The following PLPPR2 variants were observed in gnomAD, a reference collection of about 807,000 sequenced individuals.
The protein encoded by PLPPR2 is phospholipid phosphatase-related protein type 2.
PLPPR2 carries 11 observed loss-of-function variants against 40.3 expected under a neutral mutation model. The ratio of observed to expected loss-of-function variants is 0.27; its 90% CI spans 0.17 to 0.45. PLPPR2 has a LOEUF of 0.45. Among genes scored for constraint, PLPPR2 ranks in the 20% least tolerant of loss-of-function variants. PLPPR2 has a pLI of 1.00. For missense variants in PLPPR2, 497 were observed against 640.7 expected (o/e 0.78, Z 2.42); for synonymous variants, 260 against 290.8 (o/e 0.89, Z 1.08).
At chr19:11,358,739 G>T (rs1303690310) in intron 3 of PLPPR2, among the ~76,000 whole-genome samples, 1 of 148,756 alleles carries the variant, frequency 6.7e-6, no homozygotes, top group Non-Finnish European at 1.5e-5. Flanking sequence ...TTTTGTGATG[G>T]AGTCTTGCTC....
In PLPPR2 at chr19:11,359,754, G is replaced by A; in HGVS notation, c.255+34G>A. Reference sequence around the variant, plus strand: ...ATGAAGACCTCCTAGGAGGCAGGTGGGCCGGTAAGGGTGGGTGAGGGGATG... The same window carrying A: ...ATGAAGACCTCCTAGGAGGCAGGTGAGCCGGTAAGGGTGGGTGAGGGGATG... On this transcript the variant is annotated intron_variant, in intron 4 of 9. Coordinates refer to ENST00000688289, the MANE Select transcript of PLPPR2 (RefSeq NM_001393892.1). The surrounding 1 kb of genome is among the most constrained non-coding windows in gnomAD (Gnocchi z 5.6). The A allele has an allele frequency of 6.3e-7, 1 of 1,577,486 alleles. No homozygotes were observed. Among genetic ancestry groups the A allele is most frequent in the Non-Finnish European group, 8.7e-7 (1 of 1,155,792 alleles).
At chr19:11,358,016 A>G (rs1451811293) in intron 3 of PLPPR2, among the ~76,000 whole-genome samples, 2 of 147,070 alleles carry the variant, frequency 1.4e-5, no homozygotes, top group Non-Finnish European at 3.0e-5. Context: ...GTCCCAACTC[A>G]TAGGGCTGTT....
In PLPPR2 at chr19:11,362,791, C is replaced by T; in HGVS notation, c.840+102C>T. The T allele has an allele frequency of 7.7e-7, 1 of 1,299,646 alleles. No individual in the cohort carries two copies. The highest frequency in any genetic ancestry group is 1.0e-6 in the Non-Finnish European group (1 of 952,998). The allele number at this position is 1,299,646 out of a possible 1,614,324, so 80.5% of individuals were successfully genotyped here. Reference sequence around the variant, plus strand: ...GGAGAAGGGTGTGGACTCTGTGTGACCTTGGGCCAATCCCTTAACATTACC... The same window carrying T: ...GGAGAAGGGTGTGGACTCTGTGTGATCTTGGGCCAATCCCTTAACATTACC... On this transcript the variant is annotated intron_variant, in intron 7 of 9. Transcript: ENST00000688289. This position sits in a 1 kb window ranked among gnomAD's most constrained non-coding sequence, Gnocchi z 5.3.
rs752759765 is a variant in PLPPR2 at position 11,363,805 on chromosome 19, T to C, written c.933T>C (p.Asp311=). 5.0e-6 allele frequency: 8 copies of C among 1,614,106 alleles called. No homozygotes were observed. In the East Asian group the frequency reaches 1.3e-4, roughly 27 times the overall value. The change falls in exon 8 of 10, where the codon GAT becomes GAC. Residue 311 remains aspartate (D), a synonymous_variant. Coordinates refer to ENST00000688289, the MANE Select transcript of PLPPR2 (RefSeq NM_001393892.1). This position sits in a 1 kb window ranked among gnomAD's most constrained non-coding sequence, Gnocchi z 4.8. ...ACCTGGGCCAAGCCCCCACCATGGA[T>C]AGCCCCCTCGAAAAGTTAAGTGTGG... is the stretch of plus-strand genomic sequence containing the variant. ...WEDLGQAPTM[D]SPLEKLSVAQ...
Position 11,364,507 on chromosome 19 carries a change from G to C in PLPPR2, c.1176G>C (p.Gln392His). 2 of 1,526,280 alleles carry C rather than the reference G, an allele frequency of 1.3e-6. No homozygotes were observed. Among genetic ancestry groups the C allele is most frequent in the Middle Eastern group, 1.7e-4 (1 of 5,932 alleles). The allele number at this position is 1,526,280 out of a possible 1,614,324, so 94.5% of individuals were successfully genotyped here. Residue 392 changes from glutamine to histidine, a missense_variant, in exon 10 of 10, where the codon CAG becomes CAC. By Grantham distance (24) the Gln-to-His change is conservative. Coordinates refer to ENST00000688289, the MANE Select transcript of PLPPR2 (RefSeq NM_001393892.1). This position sits in a 1 kb window ranked among gnomAD's most constrained non-coding sequence, Gnocchi z 5.8. ...PLPLPAPTPS[Q>H]GPSPSSPGPG... ...CCCTGCCAGCGCCCACCCCCAGCCAGGGCCCCTCGCCTTCCTCCCCTGGAC... is the reference window on the plus strand; with the variant it reads ...CCCTGCCAGCGCCCACCCCCAGCCACGGCCCCTCGCCTTCCTCCCCTGGAC...
At position 11,364,489 on chromosome 19, in the gene PLPPR2, A is replaced by G. The variant is rs1968140355; in HGVS notation, c.1158A>G (p.Pro386=). The part of the protein sequence containing the change: ...PTPLPLPLPL[P]APTPSQGPSP... ...CCTTGCCCCTGCCCCTACCCCTGCC[A>G]GCGCCCACCCCCAGCCAGGGCCCCT... Residue 386 remains proline, a synonymous_variant, in exon 10 of 10, where the codon CCA becomes CCG. Transcript: ENST00000688289. The surrounding 1 kb of genome is among the most constrained non-coding windows in gnomAD (Gnocchi z 5.8). 1 of 1,515,884 alleles carries G rather than the reference A, an allele frequency of 6.6e-7. No homozygotes were observed. The allele number at this position is 1,515,884 out of a possible 1,614,324, so 93.9% of individuals were successfully genotyped here.
rs910078985 is a variant in PLPPR2 at position 11,363,988 on chromosome 19, C to T, written c.963+153C>T. On this transcript the variant is annotated intron_variant, in intron 8 of 9. Coordinates refer to ENST00000688289, the MANE Select transcript of PLPPR2 (RefSeq NM_001393892.1). This position sits in a 1 kb window ranked among gnomAD's most constrained non-coding sequence, Gnocchi z 4.8. ...TCTGTGGACATAGGTCCTGGGCGGA[C>T]AGCCCCAAAGAATGAAAGGGAGCAC... The T allele has an allele frequency of 2.3e-6, 3 of 1,323,544 alleles. No homozygotes were observed. The highest frequency in any genetic ancestry group is 3.1e-6 in the Non-Finnish European group (3 of 972,882). 82.0% of individuals were successfully genotyped at this position (1,323,544 alleles called of 1,614,324 possible). A position where few individuals can be genotyped will look rare whatever the true frequency, so the allele number is the denominator to read the frequency against.
chr19:11,357,343 C>G (rs7257147), intron 2 of PLPPR2, among the ~76,000 whole-genome samples: 4,945 of 152,078 alleles, frequency 0.033, 277 homozygotes, highest in African/African-American at 0.11. Context: ...GCTGGGGAGT[C>G]TCTTCTAAAG....
Position 11,364,703 on chromosome 19 carries a change from C to CA in PLPPR2, c.*14dup, listed in dbSNP as rs1968147688. 1 of 1,537,006 alleles carries CA rather than the reference C, an allele frequency of 6.5e-7. No individual in the cohort carries two copies. The highest frequency in any genetic ancestry group is 1.4e-5 in the African/African-American group (1 of 73,032). On this transcript the variant is annotated 3_prime_UTR_variant, in exon 10 of 10. Coordinates refer to ENST00000688289, the MANE Select transcript of PLPPR2 (RefSeq NM_001393892.1). This position sits in a 1 kb window ranked among gnomAD's most constrained non-coding sequence, Gnocchi z 5.8. ...CCACCTGCTGTGAGGCCCGACCACC[C>CA]ACCCAGAATCTGCCCAGTCCCCACT... is the stretch of plus-strand genomic sequence containing the variant.
Position 11,361,548 on chromosome 19 carries a change from CT to C in PLPPR2, c.663+61del. 6.5e-7 allele frequency: 1 copy of C among 1,538,788 alleles called. No individual in the cohort carries two copies. Among genetic ancestry groups the C allele is most frequent in the South Asian group, 1.2e-5 (1 of 81,642 alleles). On this transcript the variant is annotated intron_variant, in intron 6 of 9. Transcript: ENST00000688289. The surrounding 1 kb of genome is among the most constrained non-coding windows in gnomAD (Gnocchi z 6.3). ...GTGCAGGCTGGACAGCGACCAGCAG[CT>C]AGGAAGCCGCCAGGGTTGGAGCCTC...
At position 11,359,947 on chromosome 19, in the gene PLPPR2, C is replaced by G; in HGVS notation, c.382C>G (p.Arg128Gly). 1 of 1,605,404 alleles carries G rather than the reference C, an allele frequency of 6.2e-7. No homozygotes were observed. The highest frequency in any genetic ancestry group is 8.5e-7 in the Non-Finnish European group (1 of 1,175,314). The change falls in exon 5 of 10, where the codon CGC becomes GGC. Residue 128 changes from arginine to glycine, a missense_variant. Coordinates refer to ENST00000688289, the MANE Select transcript of PLPPR2 (RefSeq NM_001393892.1). The surrounding 1 kb of genome is among the most constrained non-coding windows in gnomAD (Gnocchi z 5.6). ...CAGCCCCCCAGTGCGGAGGCTGGTC[C>G]GCTTCCTGGGTGAGAGACATGGCCT... Reference protein sequence around the residue: ...RFSPPVRRLVRFLGVYSFGLF... With the variant: ...RFSPPVRRLVGFLGVYSFGLF...
chr19:11,357,200 C>G (rs1364408530), intron 2 of PLPPR2, among the ~76,000 whole-genome samples: 1 of 152,050 alleles, frequency 6.6e-6, no homozygotes, highest in Non-Finnish European at 1.5e-5. Flanking sequence ...AGAGGGGCCC[C>G]TGCAGAGGCC....
At chr19:11,355,726 G>T (rs931386766) in intron 1 of PLPPR2, among the ~76,000 whole-genome samples, 154 bp downstream of exon 1, 7 of 152,236 alleles carry the variant, frequency 4.6e-5, no homozygotes, top group African/African-American at 1.7e-4. Context: ...GGACCGGGCT[G>T]GGGGAGGGGA....
At chr19:11,360,647 A>G (rs532500932) in intron 5 of PLPPR2, among the ~76,000 whole-genome samples, 5 of 152,028 alleles carry the variant, frequency 3.3e-5, no homozygotes, top group Admixed American at 6.5e-5. Context: ...ACACAGGCAC[A>G]GGACAAACAC....
Position 11,359,993 on chromosome 19 carries a change from G to A in PLPPR2, c.391+37G>A. 6.4e-7 allele frequency: 1 copy of A among 1,557,368 alleles called. No individual in the cohort carries two copies. The highest frequency in any genetic ancestry group is 1.2e-5 in the South Asian group (1 of 86,712). On this transcript the variant is annotated intron_variant, in intron 5 of 9. Transcript: ENST00000688289. The surrounding 1 kb of genome is among the most constrained non-coding windows in gnomAD (Gnocchi z 5.6). ...GGCCTGGGGTCAGCCCCATGGTAAT[G>A]GTGGGGAGGTGGGTATAGAAGAAAA...
chr19:11,364,282 C>T lies in PLPPR2; in HGVS notation c.1016-65C>T. The T allele has an allele frequency of 1.0e-5, 16 of 1,550,106 alleles. No individual in the cohort carries two copies. Among genetic ancestry groups the T allele is most frequent in the Non-Finnish European group, 1.3e-5 (15 of 1,148,104 alleles). On this transcript the variant is annotated intron_variant, in intron 9 of 9. Coordinates refer to ENST00000688289, the MANE Select transcript of PLPPR2 (RefSeq NM_001393892.1). The surrounding 1 kb of genome is among the most constrained non-coding windows in gnomAD (Gnocchi z 5.8). ...TGGGCAGCCACTGCCCCAGAGGTCTCACCTAGGCCTTTATGCTGCCTCCCG... is the reference window on the plus strand; with the variant it reads ...TGGGCAGCCACTGCCCCAGAGGTCTTACCTAGGCCTTTATGCTGCCTCCCG...
In PLPPR2 at chr19:11,362,489, C is replaced by T; in HGVS notation, c.664-24C>T. On this transcript the variant is annotated intron_variant, in intron 6 of 9. Coordinates refer to ENST00000688289, the MANE Select transcript of PLPPR2 (RefSeq NM_001393892.1). This position sits in a 1 kb window ranked among gnomAD's most constrained non-coding sequence, Gnocchi z 5.3. ...TTCGGCGACTTGCCTCCGCTATCCC[C>T]CTGACCAGTCCGGCTCCCCGCAGAT... 6.2e-7 allele frequency: 1 copy of T among 1,607,150 alleles called. No homozygotes were observed. Among genetic ancestry groups the T allele is most frequent in the Non-Finnish European group, 8.5e-7 (1 of 1,179,930 alleles).
rs372283601 is a variant in PLPPR2 at position 11,364,302 on chromosome 19, C to T, written c.1016-45C>T. 1.3e-6 allele frequency: 2 copies of T among 1,527,234 alleles called. No homozygotes were observed. The highest frequency in any genetic ancestry group is 1.8e-6 in the Non-Finnish European group (2 of 1,137,386). The allele number at this position is 1,527,234 out of a possible 1,614,324, so 94.6% of individuals were successfully genotyped here. ...GGTCTCACCTAGGCCTTTATGCTGC[C>T]TCCCGAGTTTTCTGATCCCCTGATA... On this transcript the variant is annotated intron_variant, in intron 9 of 9. Transcript: ENST00000688289. The surrounding 1 kb of genome is among the most constrained non-coding windows in gnomAD (Gnocchi z 5.8).
chr19:11,356,843 C>A lies in PLPPR2; in HGVS notation c.-148C>A, dbSNP rs1019536781. On this transcript the variant is annotated 5_prime_UTR_variant, in exon 2 of 10. Transcript: ENST00000688289. ...GGGGTGCTGGACCCAGAGTGCCTAC[C>A]CTCGCCTGCCTGGGCCTCAGTTTCC... The A allele has an allele frequency of 6.5e-6, 1 of 153,062 alleles. No homozygotes were observed. Among genetic ancestry groups the A allele is most frequent in the Non-Finnish European group, 1.5e-5 (1 of 68,334 alleles). The allele number at this position is 153,062 out of a possible 1,614,324, so 9.5% of individuals were successfully genotyped here.
Sources: allele counts gnomAD v4.1 joint callset (sites outside exome capture counted in the v4.1 genomes callset), GRCh38; gene constraint gnomAD v4.1.1; non-coding constraint Gnocchi (gnomAD v3.1); transcripts MANE v1.5; gene names NCBI Gene and HGNC (gene_info 2026-07-23, HGNC 2026-07-21).